The following CGNL1 variants were observed in gnomAD, a reference collection of about 807,000 sequenced individuals.
CGNL1 encodes the protein cingulin-like protein 1.
CGNL1 carries 132 observed loss-of-function variants against 141.2 expected under a neutral mutation model. The ratio of observed to expected loss-of-function variants is 0.93; its 90% CI spans 0.81 to 1.08. The LOEUF is 1.08. Among genes scored for constraint, CGNL1 ranks in the 50% least tolerant of loss-of-function variants. CGNL1 has a pLI of 0.00. For synonymous variants in CGNL1, 690 were observed against 622.1 expected, an observed-to-expected ratio of 1.11 and a Z score of -1.63; for missense variants, 1,870 against 1,588.6, an observed-to-expected ratio of 1.18 and a Z score of -3.01.
chr15:57,454,173 C>G (rs1239209406), intron 7 of CGNL1, among the ~76,000 whole-genome samples: 3 of 152,104 alleles, frequency 2.0e-5, no homozygotes, highest in Non-Finnish European at 4.4e-5. Context: ...TATCTCTGCA[C>G]CCATTTAGGT....
intron 4 of CGNL1, 96 bp downstream of exon 4, chr15:57,442,574 A>G: frequency 1.4e-6 from 1 of 728,336 alleles, no homozygotes; most frequent in Non-Finnish European, 2.4e-6. Flanking sequence ...TTATAGCAGT[A>G]AGTGGGAAGT....
chr15:57,404,665 C>T (rs1340035113), intron 1 of CGNL1, among the ~76,000 whole-genome samples: 7 of 152,166 alleles, frequency 4.6e-5, no homozygotes, highest in Non-Finnish European at 1.0e-4. Context: ...GTCACTTCAG[C>T]TTTAGAGCAC....
At chr15:57,497,480 A>T (rs1886500375) in intron 8 of CGNL1, among the ~76,000 whole-genome samples, 1 of 152,180 alleles carries the variant, frequency 6.6e-6, no homozygotes, top group Admixed American at 6.5e-5. Flanking sequence ...GAATAAAGAC[A>T]CATTCTCATG....
chr15:57,438,867 G>A lies in CGNL1; in HGVS notation c.868G>A (p.Gly290Arg). 6.2e-7 allele frequency: 1 copy of A among 1,614,214 alleles called. No individual in the cohort carries two copies. ...GGATTCAGCGGGACCCGTCCTGGAT[G>A]GAGCTCGGTCCCGGAGGTCCTCCTC... ...RQDSAGPVLD[G>R]ARSRRSSSSS... The change falls in exon 2 of 19, where the codon GGA becomes AGA. Residue 290 changes from glycine to arginine, a missense_variant. Transcript: ENST00000281282.
chr15:57,438,380 T>C lies in CGNL1; in HGVS notation c.381T>C (p.Asn127=). The change falls in exon 2 of 19, where the codon AAT becomes AAC. Residue 127 remains asparagine (N), a synonymous_variant. Coordinates refer to ENST00000281282, the MANE Select transcript of CGNL1 (RefSeq NM_032866.5). ...LKQPLLHEGK[N]GVLDRKDGSV... is the part of the protein sequence containing the mutation. Reference sequence around the variant, plus strand: ...AGCCCCTGCTCCATGAGGGCAAGAATGGAGTTCTAGATCGCAAAGACGGGT... The same window carrying C: ...AGCCCCTGCTCCATGAGGGCAAGAACGGAGTTCTAGATCGCAAAGACGGGT... The C allele has an allele frequency of 6.2e-7, 1 of 1,614,126 alleles. No individual in the cohort carries two copies. Among genetic ancestry groups the C allele is most frequent in the Non-Finnish European group, 8.5e-7 (1 of 1,180,018 alleles).
intron 1 of CGNL1, among the ~76,000 whole-genome samples, chr15:57,424,140 C>G (rs1319221613): frequency 6.6e-6 from 1 of 152,244 alleles, no homozygotes; most frequent in East Asian, 1.9e-4. Context: ...CCGCGTCTCC[C>G]ACTGGGCTCT....
chr15:57,458,139 A>T (rs760291341), intron 7 of CGNL1, among the ~76,000 whole-genome samples: 1 of 152,180 alleles, frequency 6.6e-6, no homozygotes, highest in African/African-American at 2.4e-5. Context: ...AGTTCTTATG[A>T]TGTATAAGGA....
At chr15:57,449,932 A>G (rs1489627705) in intron 4 of CGNL1, among the ~76,000 whole-genome samples, 7 of 152,118 alleles carry the variant, frequency 4.6e-5, no homozygotes, top group African/African-American at 1.7e-4. Context: ...CCATTGTCTG[A>G]TATACCACAA....
intron 4 of CGNL1, among the ~76,000 whole-genome samples, chr15:57,443,826 C>T (rs1185882007): frequency 6.6e-6 from 1 of 152,152 alleles, no homozygotes; most frequent in Non-Finnish European, 1.5e-5. Flanking sequence ...ACAGGCTATG[C>T]AGGGAGTGCG....
intron 8 of CGNL1, among the ~76,000 whole-genome samples, chr15:57,486,840 C>T (rs1160491676): frequency 6.6e-6 from 1 of 152,190 alleles, no homozygotes; most frequent in Admixed American, 6.5e-5. Flanking sequence ...CCAACAGCTG[C>T]TTGCAATAGT....
chr15:57,391,279 G>A (rs1055369374), intron 1 of CGNL1, among the ~76,000 whole-genome samples: 2 of 152,236 alleles, frequency 1.3e-5, no homozygotes, highest in Admixed American at 1.3e-4. Flanking sequence ...AGCCATGTGA[G>A]CCTCGTGCCC....
chr15:57,490,454 A>T (rs1344141689), intron 8 of CGNL1, among the ~76,000 whole-genome samples: 1 of 152,120 alleles, frequency 6.6e-6, no homozygotes, highest in South Asian at 2.1e-4. Context: ...GAGGTATGGC[A>T]CAGGGACACA....
intron 1 of CGNL1, among the ~76,000 whole-genome samples, chr15:57,388,897 A>G (rs1174045974): frequency 6.6e-6 from 1 of 152,208 alleles, no homozygotes; most frequent in Non-Finnish European, 1.5e-5. Flanking sequence ...GTGGAGGTGA[A>G]TGGAAGAAGG....
At chr15:57,474,802 A>T (rs2152350599) in intron 8 of CGNL1, among the ~76,000 whole-genome samples, 1 of 152,316 alleles carries the variant, frequency 6.6e-6, no homozygotes, top group East Asian at 1.9e-4. Flanking sequence ...ATGTAGGGGG[A>T]TGGAGTAAGA....
rs147149100 is a variant in CGNL1 at position 57,486,238 on chromosome 15, T to G, written c.2403+24346T>G. 8.8e-3 allele frequency among the ~76,000 whole-genome samples: 1,346 copies of G among 152,276 alleles called. 20 individuals carry two copies. The highest frequency in any genetic ancestry group is 0.031 in the African/African-American group (1,279 of 41,534). On this transcript the variant is annotated intron_variant, in intron 8 of 18. Transcript: ENST00000281282. ...CAAGGAATTTGGTCCCAGTCAACCT[T>G]CCCTGCTTCTTCTGTGTTAGGTCAT...
chr15:57,387,669 G>A (rs1261970410), intron 1 of CGNL1, among the ~76,000 whole-genome samples: 1 of 152,140 alleles, frequency 6.6e-6, no homozygotes, highest in Non-Finnish European at 1.5e-5. Flanking sequence ...CAGTTTAAAA[G>A]CTTCCCACAA....
chr15:57,381,619 C>T (rs1279647757), intron 1 of CGNL1, among the ~76,000 whole-genome samples: 2 of 152,168 alleles, frequency 1.3e-5, no homozygotes, highest in Non-Finnish European at 2.9e-5. Context: ...TCTGGTCTGT[C>T]TGAATACAAA....
intron 4 of CGNL1, among the ~76,000 whole-genome samples, chr15:57,445,138 G>T (rs1205787695): frequency 6.6e-6 from 1 of 152,138 alleles, no homozygotes; most frequent in Non-Finnish European, 1.5e-5. Context: ...GCACATGCCT[G>T]TAGCCCCAGC....
chr15:57,541,246 T>C (rs571063295), intron 14 of CGNL1, among the ~76,000 whole-genome samples: 1 of 152,274 alleles, frequency 6.6e-6, no homozygotes, highest in South Asian at 2.1e-4. Context: ...CCCATTGCAG[T>C]GGAAATTTAA....
Sources: allele counts gnomAD v4.1 joint callset (sites outside exome capture counted in the v4.1 genomes callset), GRCh38; gene constraint gnomAD v4.1.1; transcripts MANE v1.5; gene names NCBI Gene and HGNC (gene_info 2026-07-23, HGNC 2026-07-21).